Variants in PRKCE observed in about 807,000 individuals in gnomAD.
The protein encoded by PRKCE is protein kinase C epsilon type.
A neutral mutation model predicts 85.4 loss-of-function variants in PRKCE; 16 were observed. The observed-to-expected ratio is 0.19, with a 90% CI of 0.13 to 0.28. PRKCE has a LOEUF of 0.28. PRKCE is among the 10% of genes least tolerant of loss of function. PRKCE has a pLI of 1.00. For synonymous variants in PRKCE, 388 were observed against 371.5 expected (o/e 1.04, Z -0.51); for missense variants, 573 against 975.2 (o/e 0.59, Z 5.49).
intron 11 of PRKCE, among the ~76,000 whole-genome samples, chr2:46,129,948 A>G (rs1270432432): frequency 1.3e-5 from 2 of 152,252 alleles, no homozygotes; most frequent in African/African-American, 4.8e-5. Flanking sequence ...GTATATCTTA[A>G]CAGCTAATCT....
At position 46,184,943 on chromosome 2, in the gene PRKCE, T is replaced by C. The variant is rs1218342845; in HGVS notation, c.*62T>C. On this transcript the variant is annotated 3_prime_UTR_variant, in exon 15 of 15. Transcript: ENST00000306156. This position sits in a 1 kb window ranked among gnomAD's most constrained non-coding sequence, Gnocchi z 5.0. ...AAGGGGTGCAGAGAAGACTCCTGTGTTGGAGACACTCAGCAGGTCTTGAAC... is the reference window on the plus strand; with the variant it reads ...AAGGGGTGCAGAGAAGACTCCTGTGCTGGAGACACTCAGCAGGTCTTGAAC... 7.6e-6 allele frequency: 12 copies of C among 1,582,220 alleles called. No individual in the cohort carries two copies. The highest frequency in any genetic ancestry group is 4.5e-5 in the East Asian group (2 of 44,808).
At chr2:46,079,553 C>A (rs1451791246) in intron 10 of PRKCE, among the ~76,000 whole-genome samples, 2 of 152,180 alleles carry the variant, frequency 1.3e-5, no homozygotes, top group East Asian at 3.8e-4. Flanking sequence ...GAAGTTAGGA[C>A]CCACAATTTC....
At chr2:46,168,688 A>G (rs1035409716) in intron 14 of PRKCE, among the ~76,000 whole-genome samples, 3 of 152,212 alleles carry the variant, frequency 2.0e-5, no homozygotes, top group African/African-American at 7.2e-5. Context: ...AACAGGCAGT[A>G]GGGTAAAATC....
At chr2:45,901,354 T>A (rs906214535) in intron 2 of PRKCE, among the ~76,000 whole-genome samples, 1 of 152,250 alleles carries the variant, frequency 6.6e-6, no homozygotes, top group Admixed American at 6.5e-5. Flanking sequence ...GACCTGGTCA[T>A]GTTTTCATCT....
chr2:46,057,952 A>C (rs1666753768), intron 10 of PRKCE, among the ~76,000 whole-genome samples: 1 of 152,258 alleles, frequency 6.6e-6, no homozygotes, highest in Non-Finnish European at 1.5e-5. Context: ...AAGGAAAGGC[A>C]AAAGCCACTT....
chr2:46,183,311 A>G (rs914465455), intron 14 of PRKCE, among the ~76,000 whole-genome samples: 2 of 152,236 alleles, frequency 1.3e-5, no homozygotes, highest in Admixed American at 6.5e-5. Context: ...GGTAGAAAAC[A>G]TGGCTTTATG....
intron 1 of PRKCE, among the ~76,000 whole-genome samples, chr2:45,720,271 A>G (rs1680502195): frequency 6.6e-6 from 1 of 152,138 alleles, no homozygotes; most frequent in Non-Finnish European, 1.5e-5. Context: ...GAGTTGAGAT[A>G]AAGTGAAGTG....
intron 1 of PRKCE, among the ~76,000 whole-genome samples, chr2:45,714,085 A>G (rs1679886807): frequency 6.6e-6 from 1 of 152,258 alleles, no homozygotes; most frequent in South Asian, 2.1e-4. Context: ...TTCAATAATT[A>G]AATAAGCATT....
At chr2:45,796,919 C>G (rs576400070) in intron 1 of PRKCE, among the ~76,000 whole-genome samples, 1 of 152,102 alleles carries the variant, frequency 6.6e-6, no homozygotes, top group African/African-American at 2.4e-5. Flanking sequence ...TGTCCAGCCA[C>G]CTTGAGGATT....
chr2:45,689,982 T>C (rs886430678), intron 1 of PRKCE, among the ~76,000 whole-genome samples: 2 of 152,020 alleles, frequency 1.3e-5, no homozygotes, highest in Non-Finnish European at 2.9e-5. Context: ...TCCTTGGATA[T>C]CCTTCCAGAA....
At chr2:45,881,796 A>C (rs983728044) in intron 2 of PRKCE, among the ~76,000 whole-genome samples, 1 of 152,106 alleles carries the variant, frequency 6.6e-6, no homozygotes, top group Non-Finnish European at 1.5e-5. Context: ...ACTCTTTACT[A>C]TTGAGGGAAC....
chr2:45,802,474 T>C (rs1320967213), intron 1 of PRKCE, among the ~76,000 whole-genome samples: 1 of 152,230 alleles, frequency 6.6e-6, no homozygotes, highest in African/African-American at 2.4e-5. Context: ...CTGTAATTGA[T>C]GTGAATGTGT....
At chr2:46,059,192 G>C (rs910080478) in intron 10 of PRKCE, among the ~76,000 whole-genome samples, 1 of 110,900 alleles carries the variant, frequency 9.0e-6, no homozygotes, top group Admixed American at 8.1e-5. Flanking sequence ...GGAGGTTAAG[G>C]CTACAGTGAG....
intron 2 of PRKCE, among the ~76,000 whole-genome samples, chr2:45,874,914 C>T (rs967913386): frequency 6.6e-6 from 1 of 152,078 alleles, no homozygotes; most frequent in African/African-American, 2.4e-5. Context: ...GTATAGCTTA[C>T]GTCTATTTGG....
At chr2:45,835,908 A>T (rs1169360792) in intron 1 of PRKCE, among the ~76,000 whole-genome samples, 37 of 151,930 alleles carry the variant, frequency 2.4e-4, no homozygotes, top group Admixed American at 2.4e-3. Context: ...ATTCTTTTTT[A>T]TTGCTAAGTA....
At position 46,004,411 on chromosome 2, in the gene PRKCE, C is replaced by A; in HGVS notation, c.967-131C>A. The A allele has an allele frequency of 1.3e-6, 1 of 768,332 alleles. No individual in the cohort carries two copies. Among genetic ancestry groups the A allele is most frequent in the Non-Finnish European group, 2.1e-6 (1 of 467,188 alleles). 47.6% of individuals were successfully genotyped at this position (768,332 alleles called of 1,614,324 possible). ...TACTTTGGCGATGGCTGCAAGAGGA[C>A]AGAGATCTACTGAATTCCTGCTGCT... On this transcript the variant is annotated intron_variant, in intron 7 of 14. Coordinates refer to ENST00000306156, the MANE Select transcript of PRKCE (RefSeq NM_005400.3). This position sits in a 1 kb window ranked among gnomAD's most constrained non-coding sequence, Gnocchi z 4.1.
Position 45,895,458 on chromosome 2 carries a change from G to A in PRKCE, c.412+52395G>A, listed in dbSNP as rs1438145899. 6.6e-6 allele frequency among the ~76,000 whole-genome samples: 1 copy of A among 152,216 alleles called. No individual in the cohort carries two copies. Among genetic ancestry groups the A allele is most frequent in the Non-Finnish European group, 1.5e-5 (1 of 68,038 alleles). On this transcript the variant is annotated intron_variant, in intron 2 of 14. Transcript: ENST00000306156. The surrounding 1 kb of genome is among the most constrained non-coding windows in gnomAD (Gnocchi z 4.8). The stretch of plus-strand genomic sequence containing the variant: ...ATCTGGCTGGTCCCTGGATGGTGGG[G>A]ATACATGGTACAGCCACCCAAGGCA...
intron 11 of PRKCE, among the ~76,000 whole-genome samples, chr2:46,136,037 T>C (rs1674960567): frequency 6.6e-6 from 1 of 152,146 alleles, no homozygotes; most frequent in South Asian, 2.1e-4. Flanking sequence ...CATTCTCAAG[T>C]CTCCACTATT....
chr2:46,142,002 A>G (rs899120291), intron 11 of PRKCE, among the ~76,000 whole-genome samples: 4 of 152,198 alleles, frequency 2.6e-5, no homozygotes, highest in Non-Finnish European at 5.9e-5. Flanking sequence ...GGTCCCTAGC[A>G]AAGAGGCAGC....
Sources: gnomAD v4.1 joint callset for allele counts (sites outside exome capture counted in the v4.1 genomes callset) on GRCh38, gnomAD v4.1.1 for gene constraint, Gnocchi (gnomAD v3.1) non-coding constraint, MANE v1.5 for transcripts, NCBI Gene and HGNC (gene_info 2026-07-23, HGNC 2026-07-21) for gene names.